AUTS2: variants seen among roughly 807,000 people sequenced by gnomAD.
AUTS2 encodes autism susceptibility gene 2 protein.
In AUTS2, 17 loss-of-function variants were observed where a neutral mutation model predicts 112.4. The ratio of observed to expected loss-of-function variants is 0.15; its 90% CI spans 0.10 to 0.23. The LOEUF (loss-of-function observed/expected upper bound fraction) is 0.23, where lower values mean the gene tolerates loss of function less well. Ranked by LOEUF, AUTS2 falls within the 10% of genes least tolerant of loss-of-function variation. The pLI, the probability that AUTS2 is intolerant of heterozygous loss-of-function variation, is 1.00. For missense variants in AUTS2, 1,510 were observed against 1,701.6 expected, an observed-to-expected ratio of 0.89 and a Z score of 1.98; for synonymous variants, 751 against 702.7, an observed-to-expected ratio of 1.07 and a Z score of -1.09.
At chr7:70,091,833 T>C (rs1395600127) in intron 2 of AUTS2, among the ~76,000 whole-genome samples, 2 of 152,212 alleles carry the variant, frequency 1.3e-5, no homozygotes, top group African/African-American at 4.8e-5. Flanking sequence ...ATACCCAACA[T>C]GTAGGAATAT....
intron 5 of AUTS2, among the ~76,000 whole-genome samples, chr7:70,600,850 A>G (rs1350310132): frequency 1.3e-5 from 2 of 152,224 alleles, no homozygotes; most frequent in African/African-American, 4.8e-5. Context: ...AACATGTATC[A>G]GTACTCCATT....
chr7:70,544,943 A>G (rs1800710286), intron 5 of AUTS2, among the ~76,000 whole-genome samples: 1 of 152,098 alleles, frequency 6.6e-6, no homozygotes, highest in Admixed American at 6.5e-5. Flanking sequence ...CCTGGGACCT[A>G]TGTACTTGGT....
At chr7:70,780,748 C>T (rs1791016806) in intron 14 of AUTS2, among the ~76,000 whole-genome samples, 1 of 152,196 alleles carries the variant, frequency 6.6e-6, no homozygotes, top group African/African-American at 2.4e-5. Context: ...TAAATTAATA[C>T]TCCTACTTTG....
chr7:69,992,289 C>T (rs1003126790), intron 2 of AUTS2, among the ~76,000 whole-genome samples: 1 of 152,180 alleles, frequency 6.6e-6, no homozygotes, highest in African/African-American at 2.4e-5. Context: ...TGAGATTAAA[C>T]TCAAATCTTC....
Position 69,654,978 on chromosome 7 carries a change from T to C in AUTS2, c.309+55016T>C, listed in dbSNP as rs1005026895. Among the ~76,000 whole-genome samples, 39 of 152,316 alleles carry C rather than the reference T, an allele frequency of 2.6e-4. 1 individual carries two copies. The highest frequency in any genetic ancestry group is 8.9e-4 in the African/African-American group (37 of 41,568). ...AGTTAATTGGTAGAGGTTGTGTTTC[T>C]GTGGTTAATTTGTGCTCCTGTCTTA... On this transcript the variant is annotated intron_variant, in intron 1 of 18. Coordinates refer to ENST00000342771, the MANE Select transcript of AUTS2 (RefSeq NM_015570.4).
chr7:69,872,507 T>G (rs904575645), intron 1 of AUTS2, among the ~76,000 whole-genome samples: 1 of 152,256 alleles, frequency 6.6e-6, no homozygotes, highest in Admixed American at 6.5e-5. Context: ...TAGTTTCTAA[T>G]GTATTCGGGG....
chr7:69,972,756 T>G (rs60306546), intron 2 of AUTS2, among the ~76,000 whole-genome samples: 2 of 152,156 alleles, frequency 1.3e-5, no homozygotes, highest in East Asian at 3.9e-4. Context: ...AAGACTATTC[T>G]TTCTCCATTA....
chr7:69,760,467 G>C (rs1788138354), intron 1 of AUTS2, among the ~76,000 whole-genome samples: 2 of 151,746 alleles, frequency 1.3e-5, no homozygotes, highest in African/African-American at 4.8e-5. Context: ...TCTTTCTAGA[G>C]AGACTAAAAT....
At chr7:70,388,543 C>G (rs1471554663) in intron 4 of AUTS2, among the ~76,000 whole-genome samples, 1 of 152,198 alleles carries the variant, frequency 6.6e-6, no homozygotes, top group Non-Finnish European at 1.5e-5. Flanking sequence ...AGGTACAAGG[C>G]TGAGGTGAAA....
intron 2 of AUTS2, among the ~76,000 whole-genome samples, chr7:70,108,933 A>G (rs1804924657): frequency 6.6e-6 from 1 of 151,950 alleles, no homozygotes; most frequent in Non-Finnish European, 1.5e-5. Flanking sequence ...ATTTTTGGTC[A>G]GTGGGAACCC....
chr7:70,280,106 C>T (rs1788134694), intron 4 of AUTS2, among the ~76,000 whole-genome samples: 1 of 152,102 alleles, frequency 6.6e-6, no homozygotes, highest in African/African-American at 2.4e-5. Flanking sequence ...TAGTATGTAT[C>T]AGTTGCTTCA....
intron 1 of AUTS2, among the ~76,000 whole-genome samples, chr7:69,850,165 G>A (rs1249596244): frequency 2.0e-5 from 3 of 151,470 alleles, no homozygotes; most frequent in Non-Finnish European, 2.9e-5. Flanking sequence ...CGGGCGTAGT[G>A]GCATGCGCCT....
intron 4 of AUTS2, among the ~76,000 whole-genome samples, chr7:70,196,803 T>C (rs1810197788): frequency 6.6e-6 from 1 of 152,182 alleles, no homozygotes. Context: ...GTAGGCTCAC[T>C]AGTTTTGGTA....
intron 5 of AUTS2, among the ~76,000 whole-genome samples, chr7:70,471,794 G>A (rs1429083364): frequency 6.6e-6 from 1 of 152,174 alleles, no homozygotes; most frequent in Non-Finnish European, 1.5e-5. Flanking sequence ...GAGGTGAGAT[G>A]TGGATCCGGT....
At chr7:70,244,102 A>G (rs2129601536) in intron 4 of AUTS2, among the ~76,000 whole-genome samples, 1 of 152,196 alleles carries the variant, frequency 6.6e-6, no homozygotes, top group South Asian at 2.1e-4. Flanking sequence ...CTATGTGCCC[A>G]CTATAGAGAA....
intron 5 of AUTS2, among the ~76,000 whole-genome samples, chr7:70,534,574 G>GT (rs1333031692): frequency 6.6e-6 from 1 of 152,130 alleles, no homozygotes; most frequent in Non-Finnish European, 1.5e-5. Context: ...TTACAGGCAT[G>GT]TGCCACTATG....
At chr7:70,244,141 A>C (rs1268070472) in intron 4 of AUTS2, among the ~76,000 whole-genome samples, 1 of 152,092 alleles carries the variant, frequency 6.6e-6, no homozygotes, top group East Asian at 1.9e-4. Flanking sequence ...GAAAGAAGAA[A>C]AAGTTATTTT....
At chr7:70,477,953 G>C (rs1254167078) in intron 5 of AUTS2, among the ~76,000 whole-genome samples, 2 of 37,276 alleles carry the variant, frequency 5.4e-5, no homozygotes, top group Non-Finnish European at 1.0e-4. Context: ...ATGAGGATCT[G>C]TGAGCGTGGT....
chr7:70,117,121 T>G lies in AUTS2; in HGVS notation c.523-1011T>G, dbSNP rs1192463050. 9.8e-4 allele frequency among the ~76,000 whole-genome samples: 124 copies of G among 127,096 alleles called. 3 individuals are homozygous for G. Among genetic ancestry groups the G allele is most frequent in the African/African-American group, 3.6e-3 (118 of 32,432 alleles). The allele number at this position is 127,096 out of a possible 152,430, so 83.4% of individuals were successfully genotyped here. A position where few individuals can be genotyped will look rare whatever the true frequency, so the allele number is the denominator to read the frequency against. On this transcript the variant is annotated intron_variant, in intron 2 of 18. Coordinates refer to ENST00000342771, the MANE Select transcript of AUTS2 (RefSeq NM_015570.4). ...TGACTTTTGTTTTTTTTTTTTGTTTTTTTTTGTTTTTTTTTGTTTTTTTTT... is the reference window on the plus strand; with the variant it reads ...TGACTTTTGTTTTTTTTTTTTGTTTGTTTTTGTTTTTTTTTGTTTTTTTTT...
Sources: allele counts gnomAD v4.1 joint callset (sites outside exome capture counted in the v4.1 genomes callset), GRCh38; gene constraint gnomAD v4.1.1; transcripts MANE v1.5; gene names NCBI Gene and HGNC (gene_info 2026-07-23, HGNC 2026-07-21).